The following TCERG1L variants were observed in gnomAD, a reference collection of about 807,000 sequenced individuals.
TCERG1L encodes the protein transcription elongation regulator 1 like, also known as transcription elongation regulator 1-like protein.
Under a neutral mutation model 56.3 loss-of-function variants are expected in TCERG1L, and 37 were observed. That is an observed-to-expected ratio of 0.66 (90% CI 0.51 to 0.87). The LOEUF is 0.87. Among genes scored for constraint, TCERG1L ranks in the 40% least tolerant of loss-of-function variants. The pLI is 0.00. For missense variants in TCERG1L, 799 were observed against 774.2 expected, an observed-to-expected ratio of 1.03 and a Z score of -0.38; for synonymous variants, 324 against 326.3, an observed-to-expected ratio of 0.99 and a Z score of 0.08.
intron 4 of TCERG1L, among the ~76,000 whole-genome samples, chr10:131,242,232 A>C (rs1355553877): frequency 6.6e-6 from 1 of 152,222 alleles, no homozygotes; most frequent in African/African-American, 2.4e-5. Flanking sequence ...TGCAGCCGCC[A>C]GGAGGAGCTG....
At chr10:131,232,917 G>A (rs762580008) in intron 4 of TCERG1L, among the ~76,000 whole-genome samples, 14 of 152,182 alleles carry the variant, frequency 9.2e-5, no homozygotes, top group Non-Finnish European at 1.3e-4. Flanking sequence ...TTGTAAATAG[G>A]TTTTTACAAA....
chr10:131,217,010 C>T (rs1046582979), intron 4 of TCERG1L, among the ~76,000 whole-genome samples: 3 of 152,164 alleles, frequency 2.0e-5, no homozygotes, highest in Admixed American at 6.5e-5. Context: ...CGTCCCACAC[C>T]CACAATGCCC....
At chr10:131,130,415 G>C (rs1425507416) in intron 8 of TCERG1L, among the ~76,000 whole-genome samples, 5 of 152,162 alleles carry the variant, frequency 3.3e-5, no homozygotes. Context: ...CCAGATGAGG[G>C]TTAGGTGGAC....
rs567842092 is a variant in TCERG1L at position 131,196,759 on chromosome 10, C to T, written c.857-29874G>A. ...AACACCACCACCAAGCAATTCCCTA[C>T]AAGGAATAAACATTCTACCAAAAAA... On this transcript the variant is annotated intron_variant, in intron 4 of 11. Transcript: ENST00000368642. Among the ~76,000 whole-genome samples the T allele has an allele frequency of 2.0e-5, 3 of 152,348 alleles. No individual in the cohort carries two copies. The South Asian group carries it at 6.2e-4, about 32-fold the overall frequency.
intron 3 of TCERG1L, among the ~76,000 whole-genome samples, chr10:131,305,933 T>G (rs1268817822): frequency 6.6e-6 from 1 of 152,040 alleles, no homozygotes; most frequent in Non-Finnish European, 1.5e-5. Context: ...GTGATACAAA[T>G]TATTATAACA....
intron 9 of TCERG1L, 113 bp from the exon 10 acceptor site, chr10:131,104,467 A>T (rs1416500508): frequency 1.4e-6 from 1 of 693,482 alleles, no homozygotes; most frequent in Non-Finnish European, 2.5e-6. Flanking sequence ...GCATTAAAGT[A>T]CAATAGATTC....
intron 8 of TCERG1L, among the ~76,000 whole-genome samples, chr10:131,119,759 A>C (rs1300563607): frequency 6.6e-6 from 1 of 152,258 alleles, no homozygotes; most frequent in Non-Finnish European, 1.5e-5. Flanking sequence ...CTTTTAGTAA[A>C]GATAGCTCAA....
At chr10:131,127,402 CCCG>C (rs1845575271) in intron 8 of TCERG1L, among the ~76,000 whole-genome samples, 2 of 152,198 alleles carry the variant, frequency 1.3e-5, no homozygotes, top group South Asian at 2.1e-4. Flanking sequence ...GGAGGCAGCC[CCCG>C]GGCCTCTGCG....
intron 4 of TCERG1L, among the ~76,000 whole-genome samples, chr10:131,254,302 A>AATATATATATATATATAT (rs57689050): frequency 5.5e-4 from 79 of 142,782 alleles, no homozygotes; most frequent in Middle Eastern, 3.6e-3. Context: ...ACTGGATTTA[A>AATATATATATATATATAT]ATATATATAT....
rs1440265118 is a variant in TCERG1L at position 131,213,334 on chromosome 10, G to C, written c.857-46449C>G. 3.3e-5 allele frequency among the ~76,000 whole-genome samples: 5 copies of C among 152,346 alleles called. No individual in the cohort carries two copies. The East Asian group carries it at 9.6e-4, about 29-fold the overall frequency. On this transcript the variant is annotated intron_variant, in intron 4 of 11. Coordinates refer to ENST00000368642, the MANE Select transcript of TCERG1L (RefSeq NM_174937.4). ...GAACGTGGGAGGGCTTGAAACCTGG[G>C]ACTCACTTCCTGGAAATGTCTATGG...
At chr10:131,146,738 AAAAAGCCCC>A in intron 6 of TCERG1L, 78 bp from the exon 7 acceptor site, 6 of 1,491,954 alleles carry the variant, frequency 4.0e-6, no homozygotes, top group South Asian at 1.4e-5. Context: ...ACTCTCACTG[AAAAAGCCCC>A]TCAGGACCGA....
intron 4 of TCERG1L, among the ~76,000 whole-genome samples, chr10:131,249,345 C>T (rs979235827): frequency 6.6e-6 from 1 of 151,990 alleles, no homozygotes; most frequent in Admixed American, 6.6e-5. Flanking sequence ...ATAGGGGCTT[C>T]CATGGCCCTG....
intron 4 of TCERG1L, among the ~76,000 whole-genome samples, chr10:131,247,934 C>T (rs552826443): frequency 2.0e-5 from 3 of 152,076 alleles, no homozygotes; most frequent in South Asian, 2.1e-4. Context: ...ACGACTCACA[C>T]ACAGGTAAAC....
chr10:131,191,724 A>T lies in TCERG1L; in HGVS notation c.857-24839T>A, dbSNP rs141618069. 8.9e-3 allele frequency among the ~76,000 whole-genome samples: 1,254 copies of T among 141,210 alleles called. 136 individuals are homozygous for T. The South Asian group carries it at 0.1, about 12-fold the overall frequency. The allele number at this position is 141,210 out of a possible 152,430, so 92.6% of individuals were successfully genotyped here. A position where few individuals can be genotyped will look rare whatever the true frequency, so the allele number is the denominator to read the frequency against. ...AACTCAAGATGGATCACAGACTTAA[A>T]TATAAGACCTGAAACTTGTAGTCCC... On this transcript the variant is annotated intron_variant, in intron 4 of 11. Coordinates refer to ENST00000368642, the MANE Select transcript of TCERG1L (RefSeq NM_174937.4).
chr10:131,222,196 C>T (rs979179237), intron 4 of TCERG1L, among the ~76,000 whole-genome samples: 1 of 152,300 alleles, frequency 6.6e-6, no homozygotes, highest in East Asian at 1.9e-4. Context: ...GCGAGTTTAG[C>T]ATGAGAAATA....
chr10:131,100,484 G>C (rs1437483194), intron 10 of TCERG1L, among the ~76,000 whole-genome samples: 1 of 152,150 alleles, frequency 6.6e-6, no homozygotes, highest in Non-Finnish European at 1.5e-5. Flanking sequence ...CGCAGGTTTT[G>C]TTTTTCATCC....
chr10:131,185,040 G>C (rs1000526039), intron 4 of TCERG1L, among the ~76,000 whole-genome samples: 1 of 152,088 alleles, frequency 6.6e-6, no homozygotes, highest in Non-Finnish European at 1.5e-5. Context: ...AGGCTGCAGT[G>C]GGCCATGATG....
chr10:131,271,615 C>T (rs547641412), intron 3 of TCERG1L, among the ~76,000 whole-genome samples: 4 of 152,340 alleles, frequency 2.6e-5, no homozygotes, highest in Admixed American at 6.5e-5. Flanking sequence ...TTATGCCCGC[C>T]GGTGGGATGC....
intron 4 of TCERG1L, among the ~76,000 whole-genome samples, chr10:131,224,761 C>A (rs1845774211): frequency 6.6e-6 from 1 of 152,050 alleles, no homozygotes; most frequent in African/African-American, 2.4e-5. Context: ...ACCCCACCCC[C>A]TACTCTCCCA....
Sources: gnomAD v4.1 joint callset for allele counts (sites outside exome capture counted in the v4.1 genomes callset) on GRCh38, gnomAD v4.1.1 for gene constraint, MANE v1.5 for transcripts, NCBI Gene and HGNC (gene_info 2026-07-23, HGNC 2026-07-21) for gene names.